SH3GL2: variants seen among roughly 807,000 people sequenced by gnomAD.
The protein encoded by SH3GL2 is SH3 domain containing GRB2 like 2, endophilin A1, also known as endophilin-A1.
A neutral mutation model predicts 46.0 loss-of-function variants in SH3GL2; 24 were observed. The ratio of observed to expected loss-of-function variants is 0.52; its 90% CI spans 0.38 to 0.73. SH3GL2 has a LOEUF of 0.73. Among genes scored for constraint, SH3GL2 ranks in the 30% least tolerant of loss-of-function variants. The probability of loss-of-function intolerance (pLI) is 0.00; values close to 1 mark genes in which losing one functional copy is unlikely to be tolerated. For synonymous variants in SH3GL2, 196 were observed against 147.1 expected (o/e 1.33, Z -2.40); for missense variants, 413 against 424.2 (o/e 0.97, Z 0.23).
chr9:17,685,765 C>T (rs972264724), intron 1 of SH3GL2, among the ~76,000 whole-genome samples: 11 of 151,750 alleles, frequency 7.2e-5, no homozygotes, highest in Middle Eastern at 3.2e-3. Flanking sequence ...TGTAGATATG[C>T]GGCGTTATTT....
chr9:17,626,080 A>G (rs985439050), intron 1 of SH3GL2, among the ~76,000 whole-genome samples: 2 of 152,116 alleles, frequency 1.3e-5, no homozygotes, highest in African/African-American at 4.8e-5. Context: ...GGAGGTGTCC[A>G]CTTGGCTCTT....
At chr9:17,750,198 A>C (rs948747303) in intron 2 of SH3GL2, among the ~76,000 whole-genome samples, 2 of 151,968 alleles carry the variant, frequency 1.3e-5, no homozygotes, top group Non-Finnish European at 2.9e-5. Flanking sequence ...GATTATTCAC[A>C]CAAATGTTTG....
chr9:17,683,508 G>A (rs905446398), intron 1 of SH3GL2, among the ~76,000 whole-genome samples: 3 of 151,988 alleles, frequency 2.0e-5, no homozygotes, highest in Non-Finnish European at 4.4e-5. Flanking sequence ...TTTGGAGGAG[G>A]GTCAAAGAAA....
At chr9:17,697,374 C>T (rs1359496945) in intron 1 of SH3GL2, among the ~76,000 whole-genome samples, 4 of 151,882 alleles carry the variant, frequency 2.6e-5, no homozygotes, top group Non-Finnish European at 4.4e-5. Context: ...CAGGTGCACG[C>T]CACCATGCCT....
At position 17,579,094 on chromosome 9, in the gene SH3GL2, G is replaced by A; in HGVS notation, c.-149G>A. On this transcript the variant is annotated 5_prime_UTR_variant, in exon 1 of 9. Transcript: ENST00000380607. ...AGAGTGTTTCTCCGCAAGAGCCCGT[G>A]TCCCGCTAGGCTCCGCGCCCTCGCG... is the stretch of plus-strand genomic sequence containing the variant. 2.0e-6 allele frequency: 1 copy of A among 499,350 alleles called. No homozygotes were observed. The highest frequency in any genetic ancestry group is 3.4e-6 in the Non-Finnish European group (1 of 291,480). 30.9% of individuals were successfully genotyped at this position (499,350 alleles called of 1,614,324 possible). A position where few individuals can be genotyped will look rare whatever the true frequency, so the allele number is the denominator to read the frequency against.
chr9:17,615,221 C>T (rs1818960920), intron 1 of SH3GL2, among the ~76,000 whole-genome samples: 3 of 152,192 alleles, frequency 2.0e-5, no homozygotes, highest in Non-Finnish European at 1.5e-5. Context: ...TTTCTGGAGT[C>T]TGTTTTACAA....
intron 1 of SH3GL2, among the ~76,000 whole-genome samples, chr9:17,691,524 G>A (rs949738785): frequency 1.3e-5 from 2 of 152,046 alleles, no homozygotes; most frequent in Non-Finnish European, 2.9e-5. Flanking sequence ...GGTTTATAAC[G>A]TTCTAAGCCT....
intron 3 of SH3GL2, among the ~76,000 whole-genome samples, chr9:17,762,139 G>A (rs1161927878): frequency 6.6e-6 from 1 of 152,144 alleles, no homozygotes; most frequent in African/African-American, 2.4e-5. Flanking sequence ...GCAAAGCAAA[G>A]CAAAGCAGCC....
chr9:17,663,005 C>G (rs1247785110), intron 1 of SH3GL2, among the ~76,000 whole-genome samples: 1 of 152,050 alleles, frequency 6.6e-6, no homozygotes, highest in Non-Finnish European at 1.5e-5. Context: ...GCCCAGCTGG[C>G]TAAGTCCTTT....
intron 3 of SH3GL2, among the ~76,000 whole-genome samples, chr9:17,775,578 G>T (rs1457091564): frequency 6.6e-6 from 1 of 152,182 alleles, no homozygotes; most frequent in African/African-American, 2.4e-5. Flanking sequence ...TTCTGGACCA[G>T]ATAGTAGCAA....
chr9:17,622,284 C>G (rs925752281), intron 1 of SH3GL2, among the ~76,000 whole-genome samples: 3 of 152,116 alleles, frequency 2.0e-5, no homozygotes, highest in African/African-American at 4.8e-5. Flanking sequence ...CAGTCATCAA[C>G]TAGGAGAATC....
At chr9:17,588,036 G>C (rs1818413185) in intron 1 of SH3GL2, among the ~76,000 whole-genome samples, 1 of 152,108 alleles carries the variant, frequency 6.6e-6, no homozygotes, top group Non-Finnish European at 1.5e-5. Flanking sequence ...GTGTTACTCT[G>C]AACTTAACAA....
intron 1 of SH3GL2, among the ~76,000 whole-genome samples, chr9:17,740,375 A>G (rs1822489932): frequency 6.6e-6 from 1 of 152,070 alleles, no homozygotes; most frequent in Admixed American, 6.6e-5. Context: ...ATCTGGAAAA[A>G]CAAGATCTAT....
At position 17,691,600 on chromosome 9, in the gene SH3GL2, A is replaced by G. The variant is rs116547392; in HGVS notation, c.46-55466A>G. On this transcript the variant is annotated intron_variant, in intron 1 of 8. Transcript: ENST00000380607. ...CCAAAACACTCAGTTTATTGAACAT[A>G]TGAAATAAGACTGGATTTTTAAAAA... 4.5e-3 allele frequency among the ~76,000 whole-genome samples: 680 copies of G among 152,266 alleles called. 4 individuals are homozygous for G. The highest frequency in any genetic ancestry group is 0.016 in the African/African-American group (653 of 41,580).
chr9:17,755,741 C>CAG (rs1248678846), intron 2 of SH3GL2: 1 of 980,546 alleles, frequency 1.0e-6, no homozygotes, highest in African/African-American at 1.7e-5. Flanking sequence ...TCATATCTTT[C>CAG]AGTCCTTTTG....
intron 1 of SH3GL2, among the ~76,000 whole-genome samples, chr9:17,742,137 T>G (rs1054882621): frequency 2.6e-5 from 4 of 152,196 alleles, no homozygotes; most frequent in African/African-American, 9.7e-5. Context: ...TCTATTGAAT[T>G]TCACTGATGA....
chr9:17,689,422 T>C (rs1404714904), intron 1 of SH3GL2, among the ~76,000 whole-genome samples: 3 of 152,084 alleles, frequency 2.0e-5, no homozygotes, highest in Non-Finnish European at 4.4e-5. Context: ...AATATATCAA[T>C]ATTGACTCGT....
chr9:17,589,189 G>C (rs1818433120), intron 1 of SH3GL2: 1 of 152,104 alleles, frequency 6.6e-6, no homozygotes, highest in Non-Finnish European at 1.5e-5. Flanking sequence ...TGTTCCATGT[G>C]CCTTTTGAAA....
At chr9:17,679,794 A>G (rs973142318) in intron 1 of SH3GL2, among the ~76,000 whole-genome samples, 14 of 152,046 alleles carry the variant, frequency 9.2e-5, no homozygotes, top group African/African-American at 3.1e-4. Context: ...TTATTTTGAG[A>G]TATGTCCCAT....
Sources: gnomAD v4.1 joint callset for allele counts (sites outside exome capture counted in the v4.1 genomes callset) on GRCh38, gnomAD v4.1.1 for gene constraint, MANE v1.5 for transcripts, NCBI Gene and HGNC (gene_info 2026-07-23, HGNC 2026-07-21) for gene names.